ACVR1C: variants seen among roughly 807,000 people sequenced by gnomAD.
ACVR1C encodes activin receptor type-1C.
A neutral mutation model predicts 57.9 loss-of-function variants in ACVR1C; 23 were observed. The ratio of observed to expected loss-of-function variants is 0.40; its 90% CI spans 0.29 to 0.56. The LOEUF is 0.56. Among genes scored for constraint, ACVR1C ranks in the 20% least tolerant of loss-of-function variants. The pLI is 0.50. For synonymous variants in ACVR1C, 214 were observed against 215.3 expected (o/e 0.99, Z 0.05); for missense variants, 480 against 607.9 (o/e 0.79, Z 2.21).
Position 157,542,909 on chromosome 2 carries a change from T to G in ACVR1C, c.944-47A>C, listed in dbSNP as rs1448053561. On this transcript the variant is annotated intron_variant, in intron 5 of 8. Coordinates refer to ENST00000243349, the MANE Select transcript of ACVR1C (RefSeq NM_145259.3). ...ATTCATTTTTTTCTTTACCGGAGAC[T>G]GTTCAAGAGAAATCATCCTGAAGAC... 6 of 1,561,942 alleles carry G rather than the reference T, an allele frequency of 3.8e-6. No individual in the cohort carries two copies. The East Asian group carries it at 1.1e-4, about 30-fold the overall frequency.
chr2:157,536,992 G>T (rs1407356034), intron 8 of ACVR1C, among the ~76,000 whole-genome samples: 2 of 152,122 alleles, frequency 1.3e-5, no homozygotes, highest in East Asian at 3.8e-4. Flanking sequence ...TCACCTCATA[G>T]ATATAGCACA....
At chr2:157,559,275 G>A (rs2105228043) in intron 2 of ACVR1C, among the ~76,000 whole-genome samples, 1 of 152,210 alleles carries the variant, frequency 6.6e-6, no homozygotes, top group East Asian at 1.9e-4. Flanking sequence ...AGTCAGTAAG[G>A]AAAAAAGATT....
At chr2:157,542,956 CA>C in intron 5 of ACVR1C, 94 bp from the exon 6 acceptor site, 2 of 1,291,964 alleles carry the variant, frequency 1.5e-6, no homozygotes, top group Non-Finnish European at 2.1e-6. Context: ...TGAGCTAATT[CA>C]AAAAGAGTTT....
intron 4 of ACVR1C, among the ~76,000 whole-genome samples, chr2:157,549,625 G>A (rs1188236427): frequency 3.3e-5 from 5 of 152,010 alleles, no homozygotes; most frequent in African/African-American, 7.2e-5. Flanking sequence ...GTATGGTTAT[G>A]TATATTTATC....
intron 1 of ACVR1C, among the ~76,000 whole-genome samples, chr2:157,596,313 A>G (rs1682109483): frequency 6.6e-6 from 1 of 151,620 alleles, no homozygotes; most frequent in Non-Finnish European, 1.5e-5. Flanking sequence ...TTCCTAACAC[A>G]TTACCTTCAT....
Position 157,556,339 on chromosome 2 carries a change from T to A in ACVR1C, c.305-7A>T. On this transcript the variant is annotated splice_region_variant and splice_polypyrimidine_tract_variant and intron_variant, in intron 2 of 8. Transcript: ENST00000243349. ...TTTGGGGCATTTGGTGATGCTACAG[T>A]TTAAAGAAGAAAGAACATGACCATA... is the stretch of plus-strand genomic sequence containing the variant. 6.2e-7 allele frequency: 1 copy of A among 1,612,516 alleles called. No homozygotes were observed. Among genetic ancestry groups the A allele is most frequent in the Non-Finnish European group, 8.5e-7 (1 of 1,178,870 alleles).
intron 1 of ACVR1C, among the ~76,000 whole-genome samples, chr2:157,610,399 GA>G (rs1401393637): frequency 6.6e-6 from 1 of 152,024 alleles, no homozygotes; most frequent in African/African-American, 2.4e-5. Context: ...GGTTTCTGTT[GA>G]AAATTCAGCC....
At chr2:157,590,927 C>T (rs1689044109) in intron 1 of ACVR1C, among the ~76,000 whole-genome samples, 1 of 151,848 alleles carries the variant, frequency 6.6e-6, no homozygotes, top group Non-Finnish European at 1.5e-5. Context: ...AAAGGCAGGA[C>T]TAATAATAAT....
intron 1 of ACVR1C, among the ~76,000 whole-genome samples, chr2:157,614,542 G>A (rs1682600087): frequency 6.6e-6 from 1 of 152,100 alleles, no homozygotes; most frequent in African/African-American, 2.4e-5. Flanking sequence ...TTTAGATTTT[G>A]TATATCCTTA....
At chr2:157,543,340 A>G (rs576960605) in intron 5 of ACVR1C, among the ~76,000 whole-genome samples, 1 of 152,350 alleles carries the variant, frequency 6.6e-6, no homozygotes, top group African/African-American at 2.4e-5. Flanking sequence ...CAACCAAAAC[A>G]ACATATGAGA....
chr2:157,584,204 G>A (rs1453320297), intron 2 of ACVR1C, among the ~76,000 whole-genome samples: 2 of 149,846 alleles, frequency 1.3e-5, no homozygotes, highest in South Asian at 2.1e-4. Context: ...CTGGGTTCAC[G>A]TCATTCTCCT....
chr2:157,538,737 C>A (rs1368505087), intron 7 of ACVR1C, 34 bp from the exon 8 acceptor site: 2 of 1,440,934 alleles, frequency 1.4e-6, no homozygotes, highest in East Asian at 2.6e-5. Flanking sequence ...TTTCCATGTG[C>A]AAATAATAAA....
At chr2:157,621,871 T>G (rs892634579) in intron 1 of ACVR1C, among the ~76,000 whole-genome samples, 4 of 152,196 alleles carry the variant, frequency 2.6e-5, no homozygotes, top group African/African-American at 9.6e-5. Context: ...CCTCTACCTT[T>G]ATCCTTGGGC....
At position 157,587,303 on chromosome 2, in the gene ACVR1C, CA is replaced by C; in HGVS notation, c.187del (p.Cys63ValfsTer7). The part of the protein sequence containing the change: ...TNGKEQVIKS[C>X]VSLPELNAQV... ...AGCATTCAGTTCTGGAAGGGAGACA[CA>C]GGATTTGATCACCTGCTCTTTTCCA... On this transcript the variant is annotated frameshift_variant, in exon 2 of 9. Transcript: ENST00000243349. LOFTEE classifies it high-confidence loss of function. 1 of 1,613,690 alleles carries C rather than the reference CA, an allele frequency of 6.2e-7. No homozygotes were observed. The highest frequency in any genetic ancestry group is 8.5e-7 in the Non-Finnish European group (1 of 1,179,664).
At chr2:157,569,576 T>C (rs1197357898) in intron 2 of ACVR1C, among the ~76,000 whole-genome samples, 11 of 85,562 alleles carry the variant, frequency 1.3e-4, no homozygotes, top group Non-Finnish European at 2.3e-4. Flanking sequence ...CAGAGAATAC[T>C]ACAAACACCT....
At chr2:157,559,630 C>T (rs944475325) in intron 2 of ACVR1C, among the ~76,000 whole-genome samples, 1 of 152,124 alleles carries the variant, frequency 6.6e-6, no homozygotes, top group Non-Finnish European at 1.5e-5. Context: ...ATGGAATTAG[C>T]AGCTCCATGG....
intron 1 of ACVR1C, among the ~76,000 whole-genome samples, chr2:157,616,741 G>A (rs1209033524): frequency 3.3e-5 from 5 of 152,042 alleles, no homozygotes; most frequent in Admixed American, 2.6e-4. Flanking sequence ...GGTGTGAAGA[G>A]TAATGAGTGA....
At chr2:157,545,663 G>T (rs1340594671) in intron 4 of ACVR1C, among the ~76,000 whole-genome samples, 1 of 152,160 alleles carries the variant, frequency 6.6e-6, no homozygotes, top group Non-Finnish European at 1.5e-5. Context: ...TTGGAATCAT[G>T]CAAAAAGCCA....
chr2:157,574,053 C>T (rs1057438156), intron 2 of ACVR1C, among the ~76,000 whole-genome samples: 1 of 152,178 alleles, frequency 6.6e-6, no homozygotes, highest in African/African-American at 2.4e-5. Flanking sequence ...CACTATTCAG[C>T]TTCGGCCAAC....
Sources: gnomAD v4.1 joint callset for allele counts (sites outside exome capture counted in the v4.1 genomes callset) on GRCh38, gnomAD v4.1.1 for gene constraint, MANE v1.5 for transcripts, NCBI Gene and HGNC (gene_info 2026-07-23, HGNC 2026-07-21) for gene names.